Variants in ABHD12 observed in about 807,000 individuals in gnomAD.
ABHD12 encodes the protein lysophosphatidylserine lipase ABHD12.
A neutral mutation model predicts 58.3 loss-of-function variants in ABHD12; 43 were observed. That is an observed-to-expected ratio of 0.74 (90% CI 0.58 to 0.95). The LOEUF (loss-of-function observed/expected upper bound fraction) is 0.95, where lower values mean the gene tolerates loss of function less well. Ranked by LOEUF, ABHD12 falls within the 40% of genes least tolerant of loss-of-function variation. The pLI is 0.00. For missense variants in ABHD12, 539 were observed against 537.2 expected (o/e 1.00, Z -0.03); for synonymous variants, 219 against 211.2 (o/e 1.04, Z -0.32).
chr20:25,335,293 A>G (rs2146022285), intron 2 of ABHD12, among the ~76,000 whole-genome samples: 1 of 151,944 alleles, frequency 6.6e-6, no homozygotes, highest in East Asian at 1.9e-4. Flanking sequence ...CAATCATTAA[A>G]AAGTCAGGAA....
chr20:25,298,383 A>AGTAAT (rs1431751129), downstream of ABHD12, among the ~76,000 whole-genome samples: 8 of 152,168 alleles, frequency 5.3e-5, no homozygotes, highest in African/African-American at 1.9e-4. Context: ...CTCCTGCCTC[A>AGTAAT]GCCTCCCGAG....
At chr20:25,325,464 G>A (rs895408390) in intron 2 of ABHD12, among the ~76,000 whole-genome samples, 4 of 152,332 alleles carry the variant, frequency 2.6e-5, no homozygotes, top group Middle Eastern at 3.4e-3. Context: ...AAGCTCAAAT[G>A]AGGTCACTGG....
At chr20:25,360,828 AACT>A (rs2089736562) in intron 1 of ABHD12, among the ~76,000 whole-genome samples, 2 of 152,188 alleles carry the variant, frequency 1.3e-5, no homozygotes, top group Non-Finnish European at 2.9e-5. Context: ...TCAGGCGGAC[AACT>A]GGAAAAACCC....
Position 25,300,810 on chromosome 20 carries a change from G to A in ABHD12, c.*35C>T, listed in dbSNP as rs751466322. 30 of 1,613,978 alleles carry A rather than the reference G, an allele frequency of 1.9e-5. No homozygotes were observed. Among genetic ancestry groups the A allele is most frequent in the Non-Finnish European group, 2.3e-5 (27 of 1,179,968 alleles). On this transcript the variant is annotated 3_prime_UTR_variant, in exon 13 of 13. Coordinates refer to ENST00000339157, the MANE Select transcript of ABHD12 (RefSeq NM_001042472.3). The stretch of plus-strand genomic sequence containing the variant: ...CTGACTGGAGGAAAACGGGAGGAGG[G>A]CAGAGGTCTTCATGCTTCCTTCCCA...
chr20:25,379,403 G>A (rs2089997072), intron 1 of ABHD12, among the ~76,000 whole-genome samples: 2 of 152,124 alleles, frequency 1.3e-5, no homozygotes, highest in African/African-American at 4.8e-5. Flanking sequence ...TATTTCCTAA[G>A]GACAGCACAA....
chr20:25,318,504 C>T (rs906778530), intron 4 of ABHD12, among the ~76,000 whole-genome samples: 15 of 152,000 alleles, frequency 9.9e-5, no homozygotes, highest in Non-Finnish European at 2.2e-4. Context: ...TGGTGGATCC[C>T]GCAGACCAGC....
At position 25,390,746 on chromosome 20, in the gene ABHD12, TGCGCCGCAGTG is replaced by T. The variant is rs2090166075; in HGVS notation, c.-54_-44del. 8.2e-7 allele frequency: 1 copy of T among 1,223,430 alleles called. No individual in the cohort carries two copies. Among genetic ancestry groups the T allele is most frequent in the South Asian group, 2.8e-5 (1 of 36,302 alleles). The allele number at this position is 1,223,430 out of a possible 1,614,324, so 75.8% of individuals were successfully genotyped here. ...CAGCCGCCGACGGCGCCCGCTGGCC[TGCGCCGCAGTG>T]CCGCCGCTCACAGCCGCCGCCACCC... On this transcript the variant is annotated 5_prime_UTR_variant, in exon 1 of 13. Transcript: ENST00000339157.
intron 2 of ABHD12, among the ~76,000 whole-genome samples, chr20:25,327,136 A>G (rs1568731446): frequency 1.3e-5 from 2 of 152,136 alleles, no homozygotes; most frequent in Non-Finnish European, 1.5e-5. Context: ...CCCTTTCTCC[A>G]TCTTCATTAG....
At chr20:25,296,482 C>G, downstream of ABHD12, 3 of 1,613,848 alleles carry the variant, frequency 1.9e-6, no homozygotes, top group Non-Finnish European at 2.5e-6. Flanking sequence ...GTGGAGCCCT[C>G]CGACCTGCAG....
chr20:25,385,577 G>A (rs572975572), intron 1 of ABHD12, among the ~76,000 whole-genome samples: 2 of 152,178 alleles, frequency 1.3e-5, no homozygotes, highest in African/African-American at 4.8e-5. Flanking sequence ...CTAGGGTGGT[G>A]GCTCATGCCT....
At chr20:25,302,068 T>C in intron 12 of ABHD12, 151 bp downstream of exon 12, 1 of 1,158,660 alleles carries the variant, frequency 8.6e-7, no homozygotes, top group South Asian at 1.3e-5. Context: ...CTCAAACCCC[T>C]CTGCCAAGGA....
At chr20:25,301,579 G>A (rs948793350) in intron 12 of ABHD12, among the ~76,000 whole-genome samples, 1 of 152,260 alleles carries the variant, frequency 6.6e-6, no homozygotes, top group African/African-American at 2.4e-5. Context: ...CAGCCAGGCA[G>A]TGGGGTGGGG....
intron 1 of ABHD12, among the ~76,000 whole-genome samples, chr20:25,381,376 C>T (rs920798183): frequency 2.6e-5 from 4 of 152,136 alleles, no homozygotes; most frequent in African/African-American, 4.8e-5. Context: ...AGAACTGCAA[C>T]GGCCTCAGCA....
chr20:25,329,541 G>A (rs747749622), intron 2 of ABHD12, among the ~76,000 whole-genome samples: 10 of 152,222 alleles, frequency 6.6e-5, no homozygotes, highest in Non-Finnish European at 1.2e-4. Flanking sequence ...TGGGTGCCGT[G>A]GAGGGTGAAG....
At chr20:25,368,550 C>A in intron 1 of ABHD12, 9 of 1,420,216 alleles carry the variant, frequency 6.3e-6, no homozygotes, top group Non-Finnish European at 9.0e-6. Context: ...GACTTGCCAC[C>A]AGTGCCATTA....
chr20:25,339,553 T>C, intron 1 of ABHD12: 2 of 1,426,636 alleles, frequency 1.4e-6, no homozygotes, highest in Non-Finnish European at 1.9e-6. Context: ...GGCTTAGAAC[T>C]CTACTGGGGG....
chr20:25,305,806 A>G (rs2088726812), intron 10 of ABHD12, among the ~76,000 whole-genome samples: 3 of 152,238 alleles, frequency 2.0e-5, no homozygotes, highest in Admixed American at 1.3e-4. Context: ...TTTTAACAAT[A>G]AACTTTGTAA....
intron 2 of ABHD12, among the ~76,000 whole-genome samples, chr20:25,335,754 C>CAATGAGAACA (rs1295104741): frequency 6.1e-5 from 9 of 146,812 alleles, no homozygotes; most frequent in African/African-American, 2.3e-4. Context: ...GGGAATCGAA[C>CAATGAGAACA]AATGAGAACA....
intron 1 of ABHD12, among the ~76,000 whole-genome samples, chr20:25,359,008 T>C (rs1289869777): frequency 6.6e-6 from 1 of 151,832 alleles, no homozygotes; most frequent in African/African-American, 2.4e-5. Flanking sequence ...TAAATTAATC[T>C]GGAATTATTT....
Sources: allele counts gnomAD v4.1 joint callset (sites outside exome capture counted in the v4.1 genomes callset), GRCh38; gene constraint gnomAD v4.1.1; transcripts MANE v1.5; gene names NCBI Gene and HGNC (gene_info 2026-07-23, HGNC 2026-07-21).